Variants in COL28A1 observed in about 807,000 individuals in gnomAD.
COL28A1 encodes the protein collagen alpha-1(XXVIII) chain.
In COL28A1, 161 loss-of-function variants were observed where a neutral mutation model predicts 150.2. The ratio of observed to expected loss-of-function variants is 1.07; its 90% CI spans 0.94 to 1.22. The LOEUF (loss-of-function observed/expected upper bound fraction) is 1.22, where lower values mean the gene tolerates loss of function less well. Among genes scored for constraint, COL28A1 ranks in the 50% most tolerant of loss-of-function variants. The probability of loss-of-function intolerance (pLI) is 0.00; values close to 1 mark genes in which losing one functional copy is unlikely to be tolerated. For missense variants in COL28A1, 1,617 were observed against 1,388.3 expected (o/e 1.16, Z -2.62); for synonymous variants, 552 against 469.7 (o/e 1.18, Z -2.26).
chr7:7,537,177 G>A (rs1782674040), upstream of COL28A1, among the ~76,000 whole-genome samples: 2 of 152,170 alleles, frequency 1.3e-5, no homozygotes, highest in East Asian at 1.9e-4. Flanking sequence ...ACCAGATCCT[G>A]TCCCAGCAGC....
At position 7,456,052 on chromosome 7, in the gene COL28A1, C is replaced by T; in HGVS notation, c.1363G>A (p.Gly455Arg). The T allele has an allele frequency of 6.2e-7, 1 of 1,613,872 alleles. No homozygotes were observed. The highest frequency in any genetic ancestry group is 8.5e-7 in the Non-Finnish European group (1 of 1,179,870). Residue 455 changes from glycine (G) to arginine (R), a missense_variant, in exon 16 of 35, where the codon GGG (glycine) becomes AGG (arginine). By Grantham distance (125) the Gly-to-Arg change is moderately radical. Transcript: ENST00000399429. The part of the protein sequence containing the change: ...PMGIPGIGSQ[G>R]EQGIQGPIGP... ...AAGAATGCATTAATTACCTGTTCCC[C>T]TTGACTCCCGATTCCAGGGATACCC...
intron 15 of COL28A1, among the ~76,000 whole-genome samples, chr7:7,456,840 A>T (rs371526768): frequency 4.6e-5 from 7 of 152,226 alleles, no homozygotes; most frequent in African/African-American, 1.7e-4. Flanking sequence ...TAAAATAACT[A>T]GTATGTTGAA....
intron 13 of COL28A1, among the ~76,000 whole-genome samples, chr7:7,479,408 C>T (rs1789212281): frequency 6.6e-6 from 1 of 152,128 alleles, no homozygotes; most frequent in Non-Finnish European, 1.5e-5. Flanking sequence ...AATAAATTAT[C>T]TGAGGAAATG....
intron 14 of COL28A1, among the ~76,000 whole-genome samples, chr7:7,475,654 A>C (rs1026076259): frequency 1.6e-4 from 24 of 152,148 alleles, no homozygotes; most frequent in Non-Finnish European, 2.6e-4. Context: ...TTTCTCATTT[A>C]TTTCTTTCTC....
intron 25 of COL28A1, chr7:7,431,588 T>G: frequency 2.1e-6 from 1 of 471,028 alleles, no homozygotes; most frequent in African/African-American, 2.0e-5. Flanking sequence ...CAGGGAGAAA[T>G]GACAGAAGCT....
chr7:7,430,329 G>C (rs1784892665), intron 25 of COL28A1, among the ~76,000 whole-genome samples: 1 of 152,052 alleles, frequency 6.6e-6, no homozygotes, highest in Non-Finnish European at 1.5e-5. Flanking sequence ...GTTTCACCAT[G>C]TTAGCCAGGC....
At chr7:7,350,635 T>A in the COL28A1 span, among the ~76,000 whole-genome samples, 1 of 150,100 alleles carries the variant, frequency 6.7e-6, no homozygotes, top group Non-Finnish European at 1.5e-5. Flanking sequence ...AGGGAGATGT[T>A]CTGTTTTTTG....
chr7:7,499,158 T>A (rs1250796379), intron 11 of COL28A1, among the ~76,000 whole-genome samples: 1 of 152,180 alleles, frequency 6.6e-6, no homozygotes, highest in Non-Finnish European at 1.5e-5. Flanking sequence ...GGATTACTAA[T>A]GATTCTTTCC....
chr7:7,354,744 G>A (rs947424731), downstream of COL28A1, among the ~76,000 whole-genome samples: 1 of 152,090 alleles, frequency 6.6e-6, no homozygotes, highest in African/African-American at 2.4e-5. Context: ...TAATTAATTA[G>A]CACCATTAAC....
intron 13 of COL28A1, among the ~76,000 whole-genome samples, chr7:7,484,736 C>T (rs927458679): frequency 1.3e-5 from 2 of 152,002 alleles, no homozygotes; most frequent in African/African-American, 4.8e-5. Flanking sequence ...AACCTAAATG[C>T]CCATCAATAG....
intron 27 of COL28A1, among the ~76,000 whole-genome samples, chr7:7,403,671 G>C (rs1249236061): frequency 6.6e-6 from 1 of 152,266 alleles, no homozygotes; most frequent in East Asian, 1.9e-4. Context: ...AATATTTATA[G>C]ACTAAGGTGA....
chr7:7,491,237 T>A lies in COL28A1; in HGVS notation c.1027-591A>T, dbSNP rs75179929. On this transcript the variant is annotated intron_variant, in intron 11 of 34. Transcript: ENST00000399429. ...TCATTGGCCTAATGCAAGATGGGAATCTCCTTTCCCTTTGTCACTGATTCA... is the reference window on the plus strand; with the variant it reads ...TCATTGGCCTAATGCAAGATGGGAAACTCCTTTCCCTTTGTCACTGATTCA... Among the ~76,000 whole-genome samples, 1,185 of 152,280 alleles carry A rather than the reference T, an allele frequency of 7.8e-3. 13 individuals carry two copies. The highest frequency in any genetic ancestry group is 0.027 in the African/African-American group (1,119 of 41,552).
At chr7:7,522,299 T>A (rs1034543284) in intron 4 of COL28A1, among the ~76,000 whole-genome samples, 2 of 152,034 alleles carry the variant, frequency 1.3e-5, no homozygotes, top group African/African-American at 4.8e-5. Context: ...AAGGAGAAAA[T>A]AAATATTTTC....
At chr7:7,406,621 G>A (rs2128301832) in intron 27 of COL28A1, among the ~76,000 whole-genome samples, 1 of 152,260 alleles carries the variant, frequency 6.6e-6, no homozygotes, top group South Asian at 2.1e-4. Flanking sequence ...GTCAAGGGTG[G>A]TCTCTCTAAG....
rs372125247 is a variant in COL28A1 at position 7,438,181 on chromosome 7, C to CGCA, written c.1723-722_1723-720dup. Among the ~76,000 whole-genome samples the CGCA allele has an allele frequency of 8.5e-3, 1,300 of 152,136 alleles. 19 individuals carry two copies. Among genetic ancestry groups the CGCA allele is most frequent in the African/African-American group, 0.029 (1,212 of 41,494 alleles). On this transcript the variant is annotated intron_variant, in intron 21 of 34. Coordinates refer to ENST00000399429, the MANE Select transcript of COL28A1 (RefSeq NM_001037763.3). ...GCAGGAGAATCACTCAAACCCTGGA[C>CGCA]GCAGAGGTTGCAGTGAGCTGAGATC...
intron 25 of COL28A1, among the ~76,000 whole-genome samples, chr7:7,424,685 T>C (rs1279975808): frequency 1.3e-5 from 2 of 152,064 alleles, no homozygotes; most frequent in South Asian, 2.1e-4. Context: ...GATGACAGTC[T>C]TAGCCTTACC....
chr7:7,536,117 T>C (rs993020039), upstream of COL28A1, among the ~76,000 whole-genome samples: 2 of 152,210 alleles, frequency 1.3e-5, no homozygotes, highest in Non-Finnish European at 2.9e-5. Flanking sequence ...CTTCTCTTTT[T>C]ATTGCTACAT....
At chr7:7,452,149 C>T (rs1250602744) in intron 18 of COL28A1, among the ~76,000 whole-genome samples, 170 bp downstream of exon 18, 4 of 152,146 alleles carry the variant, frequency 2.6e-5, no homozygotes, top group South Asian at 4.1e-4. Flanking sequence ...GCAAGCCATA[C>T]GTGTAATTAT....
chr7:7,529,030 G>A lies in COL28A1; in HGVS notation c.681+2318C>T, dbSNP rs147557484. Among the ~76,000 whole-genome samples the A allele has an allele frequency of 4.5e-3, 677 of 152,132 alleles. 11 individuals carry two copies. Among genetic ancestry groups the A allele is most frequent in the African/African-American group, 0.016 (649 of 41,490 alleles). ...AAGAGTCAAGTTCTGGGCCCGGCGCGATGGCTCACACCTGTAATCCCAACA... is the reference window on the plus strand; with the variant it reads ...AAGAGTCAAGTTCTGGGCCCGGCGCAATGGCTCACACCTGTAATCCCAACA... On this transcript the variant is annotated intron_variant, in intron 3 of 34. Transcript: ENST00000399429.
Sources: gnomAD v4.1 joint callset for allele counts (sites outside exome capture counted in the v4.1 genomes callset) on GRCh38, gnomAD v4.1.1 for gene constraint, MANE v1.5 for transcripts, NCBI Gene and HGNC (gene_info 2026-07-23, HGNC 2026-07-21) for gene names.